Variants in PAK3 observed in about 807,000 individuals in gnomAD.
PAK3 encodes p21 (RAC1) activated kinase 3, also known as serine/threonine-protein kinase PAK 3.
PAK3 carries 4 observed loss-of-function variants against 41.0 expected under a neutral mutation model. The ratio of observed to expected loss-of-function variants is 0.10; its 90% CI spans 0.05 to 0.22. The LOEUF is 0.22. PAK3 is among the 10% of genes least tolerant of loss of function. The pLI is 1.00. For missense variants in PAK3, 205 were observed against 409.9 expected (o/e 0.50, Z 4.32); for synonymous variants, 146 against 139.6 (o/e 1.05, Z -0.32).
At position 110,974,288 on chromosome X, in the gene PAK3, C is replaced by T. The variant is rs191413189; in HGVS notation, c.-28+29660C>T. Among the ~76,000 whole-genome samples, 345 of 111,826 alleles carry T rather than the reference C, an allele frequency of 3.1e-3. 2 individuals carry two copies. Among genetic ancestry groups the T allele is most frequent in the African/African-American group, 0.011 (336 of 30,832 alleles). On this transcript the variant is annotated intron_variant, in intron 1 of 14. Transcript: ENST00000425146. ...AAAAATGATAAAAGGGATATCACCA[C>T]CGATTCCACAGAAATACAAACTACA... is the stretch of plus-strand genomic sequence containing the variant.
At chrX:110,999,754 A>G (rs2091814401) in intron 1 of PAK3, among the ~76,000 whole-genome samples, 1 of 109,596 alleles carries the variant, frequency 9.1e-6, no homozygotes, top group Admixed American at 9.7e-5. Flanking sequence ...CAGGTGGATC[A>G]CTTGAGGTCA....
intron 3 of PAK3, among the ~76,000 whole-genome samples, chrX:111,099,782 C>G (rs2093090621): frequency 9.9e-6 from 1 of 101,409 alleles, no homozygotes; most frequent in African/African-American, 3.6e-5. Flanking sequence ...GGGTCCCAGA[C>G]AGTGTGTTTG....
At chrX:111,202,956 C>T (rs987451786) in intron 16 of PAK3, among the ~76,000 whole-genome samples, 3 of 111,822 alleles carry the variant, frequency 2.7e-5, no homozygotes, top group South Asian at 3.8e-4. Context: ...TTATTGGTAT[C>T]ACTGCTAAAA....
At chrX:111,097,267 C>G (rs1202710131) in intron 1 of PAK3, 123 bp from the exon 2 acceptor site, 2 of 75,426 alleles carry the variant, frequency 2.7e-5, no homozygotes, top group African/African-American at 5.4e-5. Context: ...GCAAGTTTTC[C>G]TTCCCTAGGT....
intron 1 of PAK3, among the ~76,000 whole-genome samples, chrX:111,056,864 G>A (rs1603039101): frequency 9.0e-6 from 1 of 111,540 alleles, no homozygotes; most frequent in Non-Finnish European, 1.9e-5. Context: ...TTCTAGAGTA[G>A]ATACTAAGAA....
chrX:111,052,912 A>G (rs754763221), intron 1 of PAK3, among the ~76,000 whole-genome samples: 3 of 112,299 alleles, frequency 2.7e-5, no homozygotes, highest in South Asian at 7.4e-4. Context: ...TTGGTGTATC[A>G]TATACCGTTA....
intron 3 of PAK3, among the ~76,000 whole-genome samples, chrX:111,102,225 G>T (rs2093155492): frequency 9.0e-6 from 1 of 111,550 alleles, no homozygotes; most frequent in Admixed American, 9.4e-5. Flanking sequence ...TGTGGGAAAA[G>T]GCAGAAAGGG....
intron 11 of PAK3, among the ~76,000 whole-genome samples, chrX:111,187,348 T>C (rs961211915): frequency 4.5e-5 from 5 of 112,179 alleles, no homozygotes; most frequent in African/African-American, 1.6e-4. Flanking sequence ...GTAATGAATA[T>C]GTTAGGAAAT....
chrX:111,226,537 C>T lies in PAK3; in HGVS notation c.*6090C>T, dbSNP rs1305698185. The T allele has an allele frequency of 8.9e-6, 1 of 112,354 alleles. No homozygotes were observed. Among genetic ancestry groups the T allele is most frequent in the East Asian group, 2.8e-4 (1 of 3,574 alleles). 9.3% of individuals were successfully genotyped at this position (112,354 alleles called of 1,213,427 possible). A position where few individuals can be genotyped will look rare whatever the true frequency, so the allele number is the denominator to read the frequency against. ...ATGGCTGAGACTGCTAAGAGTGAAC[C>T]TAAACACTTACAAGTTGCAGAGAGA... On this transcript the variant is annotated 3_prime_UTR_variant, in exon 18 of 18. Coordinates refer to ENST00000372007, the MANE Select transcript of PAK3 (RefSeq NM_002578.5).
intron 16 of PAK3, among the ~76,000 whole-genome samples, chrX:111,215,608 A>G (rs976754230): frequency 7.1e-5 from 8 of 112,160 alleles, no homozygotes; most frequent in African/African-American, 1.9e-4. Context: ...AACTCTGACT[A>G]GAAGACTAGA....
chrX:111,170,468 A>C (rs16986393), intron 10 of PAK3, among the ~76,000 whole-genome samples: 19,143 of 110,555 alleles, frequency 0.17, 3,478 homozygotes, highest in African/African-American at 0.55. Flanking sequence ...ATTATGTTGT[A>C]TACTAGCCCA....
At chrX:111,144,863 TC>T in intron 6 of PAK3, 1 of 1,130,583 alleles carries the variant, frequency 8.8e-7, no homozygotes, top group Non-Finnish European at 1.2e-6. Context: ...ACTTCAGAAC[TC>T]CCCTTTCCAG....
At chrX:110,968,853 T>C (rs1447433263) in intron 1 of PAK3, among the ~76,000 whole-genome samples, 1 of 111,084 alleles carries the variant, frequency 9.0e-6, no homozygotes. Context: ...GATTTATTCA[T>C]TTTTCTTTCA....
At chrX:111,208,452 AT>A (rs989219492) in intron 16 of PAK3, among the ~76,000 whole-genome samples, 4 of 112,101 alleles carry the variant, frequency 3.6e-5, no homozygotes, top group African/African-American at 9.7e-5. Flanking sequence ...TGCAAGCTCC[AT>A]TCATAGTGAG....
At chrX:111,033,768 G>A (rs902126134) in intron 1 of PAK3, among the ~76,000 whole-genome samples, 4 of 111,681 alleles carry the variant, frequency 3.6e-5, no homozygotes, top group Non-Finnish European at 3.8e-5. Context: ...CCCACACTCC[G>A]TCAGACATTG....
chrX:110,953,063 G>T (rs1477510304), intron 1 of PAK3, among the ~76,000 whole-genome samples: 1 of 111,980 alleles, frequency 8.9e-6, no homozygotes, highest in Non-Finnish European at 1.9e-5. Context: ...TTAAAACTAT[G>T]CTTGGTGCTT....
chrX:110,956,943 G>A (rs1213227481), intron 1 of PAK3, among the ~76,000 whole-genome samples: 2 of 111,559 alleles, frequency 1.8e-5, no homozygotes, highest in Non-Finnish European at 3.8e-5. Flanking sequence ...AGCTCAGCCT[G>A]GTGATGAAGC....
chrX:111,200,049 G>A (rs1043853333), intron 16 of PAK3, among the ~76,000 whole-genome samples: 5 of 110,770 alleles, frequency 4.5e-5, no homozygotes, highest in Non-Finnish European at 9.5e-5. Flanking sequence ...CAAAGTTCAA[G>A]CACAGTGCTA....
Position 111,111,386 on chromosome X carries a change from A to G in PAK3, c.-28+8080A>G, listed in dbSNP as rs916739286. ...GATATTTCTAGTTAAGTTTTTACTG[A>G]TATTTCTATTGTGTCACTGGTTTTA... On this transcript the variant is annotated intron_variant, in intron 4 of 17. Coordinates refer to ENST00000372007, the MANE Select transcript of PAK3 (RefSeq NM_002578.5). 3.6e-5 allele frequency among the ~76,000 whole-genome samples: 4 copies of G among 111,862 alleles called. No homozygotes were observed. In the South Asian group the frequency reaches 1.5e-3, roughly 42 times the overall value.
Sources: allele counts gnomAD v4.1 joint callset (sites outside exome capture counted in the v4.1 genomes callset), GRCh38; gene constraint gnomAD v4.1.1; transcripts MANE v1.5; gene names NCBI Gene and HGNC (gene_info 2026-07-23, HGNC 2026-07-21).